The following WDFY4 variants were observed in gnomAD, a reference collection of about 807,000 sequenced individuals.
The protein encoded by WDFY4 is WDFY family member 4, also known as WD repeat- and FYVE domain-containing protein 4.
In WDFY4, 169 loss-of-function variants were observed where a neutral mutation model predicts 351.9. That is an observed-to-expected ratio of 0.48 (90% CI 0.42 to 0.55). WDFY4 has a LOEUF of 0.55. Among genes scored for constraint, WDFY4 ranks in the 20% least tolerant of loss-of-function variants. The pLI, the probability that WDFY4 is intolerant of heterozygous loss-of-function variation, is 0.00. For missense variants in WDFY4, 3,803 were observed against 3,935.6 expected, an observed-to-expected ratio of 0.97 and a Z score of 0.90; for synonymous variants, 1,622 against 1,574.6, an observed-to-expected ratio of 1.03 and a Z score of -0.71.
intron 39 of WDFY4, among the ~76,000 whole-genome samples, chr10:48,856,356 T>C (rs1289623212): frequency 6.6e-6 from 1 of 152,172 alleles, no homozygotes; most frequent in Non-Finnish European, 1.5e-5. Context: ...AGATACTACC[T>C]GTCAGATTGA....
intron 47 of WDFY4, among the ~76,000 whole-genome samples, chr10:48,904,905 A>G (rs1837538616): frequency 6.6e-6 from 1 of 152,140 alleles, no homozygotes; most frequent in African/African-American, 2.4e-5. Flanking sequence ...GTTATCCACA[A>G]GGGGGTGAGC....
At chr10:48,744,458 C>T (rs911863503) in intron 12 of WDFY4, among the ~76,000 whole-genome samples, 8 of 152,120 alleles carry the variant, frequency 5.3e-5, no homozygotes, top group South Asian at 4.1e-4. Flanking sequence ...TGCATTCCTG[C>T]GCAAACCAAC....
In WDFY4 at chr10:48,795,514, TATATATATACATATATATATACACAC is replaced by T. The variant is rs1161867369; in HGVS notation, c.4258-782_4258-757del. Among the ~76,000 whole-genome samples the T allele has an allele frequency of 1.3e-3, 136 of 101,446 alleles. 5 individuals are homozygous for T. Among genetic ancestry groups the T allele is most frequent in the African/African-American group, 6.1e-3 (131 of 21,466 alleles). The allele number at this position is 101,446 out of a possible 152,430, so 66.6% of individuals were successfully genotyped here. On this transcript the variant is annotated intron_variant, in intron 23 of 61. Coordinates refer to ENST00000325239, the MANE Select transcript of WDFY4 (RefSeq NM_001394531.1). The stretch of plus-strand genomic sequence containing the variant: ...CTGTATATATATATATATATATATA[TATATATATACATATATATATACACAC>T]ACATGAATAGTCTGGAAAGATATTG...
intron 13 of WDFY4, among the ~76,000 whole-genome samples, chr10:48,771,436 G>A (rs2065862283): frequency 6.6e-6 from 1 of 152,118 alleles, no homozygotes; most frequent in African/African-American, 2.4e-5. Flanking sequence ...CTGTAAAACG[G>A]GTATGATAAT....
intron 47 of WDFY4, among the ~76,000 whole-genome samples, chr10:48,915,783 T>C (rs1838469659): frequency 6.6e-6 from 1 of 152,148 alleles, no homozygotes; most frequent in African/African-American, 2.4e-5. Context: ...GTCTCCACAG[T>C]AAACCAATGA....
intron 39 of WDFY4, among the ~76,000 whole-genome samples, chr10:48,834,109 C>T (rs187749061): frequency 2.0e-5 from 3 of 152,300 alleles, no homozygotes; most frequent in Admixed American, 2.0e-4. Context: ...CTTATTCAGG[C>T]TGTATTCTCA....
chr10:48,844,816 C>G (rs2068722106), intron 39 of WDFY4, among the ~76,000 whole-genome samples: 1 of 152,192 alleles, frequency 6.6e-6, no homozygotes, highest in South Asian at 2.1e-4. Context: ...GTGAGTAAAA[C>G]AGATAAGGCT....
intron 35 of WDFY4, chr10:48,824,127 T>C: frequency 1.0e-6 from 1 of 985,460 alleles, no homozygotes; most frequent in Non-Finnish European, 1.2e-6. Flanking sequence ...CTTCTCCCTC[T>C]AAGTTTCTTT....
chr10:48,700,558 C>G (rs930581932), intron 1 of WDFY4, among the ~76,000 whole-genome samples: 1 of 152,240 alleles, frequency 6.6e-6, no homozygotes, highest in Admixed American at 6.5e-5. Flanking sequence ...CATCATGTGG[C>G]AAATGTTTAC....
chr10:48,859,796 T>G (rs569731157), intron 39 of WDFY4, among the ~76,000 whole-genome samples: 1 of 152,364 alleles, frequency 6.6e-6, no homozygotes, highest in Non-Finnish European at 1.5e-5. Context: ...TTTTTAAATT[T>G]TTAATAAAAC....
intron 13 of WDFY4, among the ~76,000 whole-genome samples, chr10:48,772,693 C>G (rs2065907112): frequency 6.8e-6 from 1 of 147,906 alleles, no homozygotes. Context: ...CTATCCCTCC[C>G]CCTTACCCCC....
intron 12 of WDFY4, among the ~76,000 whole-genome samples, chr10:48,744,177 C>T (rs1589505107): frequency 1.3e-5 from 2 of 152,202 alleles, no homozygotes; most frequent in Non-Finnish European, 2.9e-5. Context: ...ATCCCTACCC[C>T]AACCCACTTG....
intron 51 of WDFY4, among the ~76,000 whole-genome samples, chr10:48,952,571 A>G (rs768595713): frequency 1.3e-5 from 2 of 152,172 alleles, no homozygotes. Context: ...CAGTTTCTTC[A>G]TCCTTTAAAA....
chr10:48,840,928 A>G (rs2068583251), intron 39 of WDFY4, among the ~76,000 whole-genome samples: 1 of 152,218 alleles, frequency 6.6e-6, no homozygotes, highest in Non-Finnish European at 1.5e-5. Context: ...CTTTATCTTC[A>G]TAATAGAAGG....
intron 57 of WDFY4, among the ~76,000 whole-genome samples, chr10:48,970,575 G>A (rs1184275897): frequency 2.0e-5 from 3 of 152,222 alleles, no homozygotes; most frequent in Admixed American, 6.5e-5. Context: ...AGCGAGAGAT[G>A]CCGGGCCACA....
At chr10:48,966,320 A>T (rs1842079894) in intron 54 of WDFY4, among the ~76,000 whole-genome samples, 1 of 152,124 alleles carries the variant, frequency 6.6e-6, no homozygotes, top group South Asian at 2.1e-4. Flanking sequence ...ATGACCTTGA[A>T]AAAGTAGCTG....
chr10:48,725,819 C>T, intron 5 of WDFY4, 62 bp from the exon 6 acceptor site: 1 of 1,457,256 alleles, frequency 6.9e-7, no homozygotes, highest in Non-Finnish European at 9.2e-7. Context: ...GGGAACAAAT[C>T]CATCTGAGGA....
In WDFY4 at chr10:48,806,375, C is replaced by A. The variant is rs145100924; in HGVS notation, c.4738+280C>A. Among the ~76,000 whole-genome samples, 564 of 152,342 alleles carry A rather than the reference C, an allele frequency of 3.7e-3. 5 individuals are homozygous for A. Among genetic ancestry groups the A allele is most frequent in the Non-Finnish European group, 6.8e-3 (465 of 68,038 alleles). On this transcript the variant is annotated intron_variant, in intron 27 of 61. Transcript: ENST00000325239. ...CAGCATGTGGGATCCGGGATCCTGC[C>A]TCACTTCCTGGTTGAACCCCCACTA...
At chr10:48,957,926 CAG>C (rs549242684) in intron 52 of WDFY4, among the ~76,000 whole-genome samples, 218 of 152,334 alleles carry the variant, frequency 1.4e-3, no homozygotes, top group African/African-American at 5.0e-3. Context: ...AAGGCTGAGT[CAG>C]GGCAATTTGC....
Sources: allele counts gnomAD v4.1 joint callset (sites outside exome capture counted in the v4.1 genomes callset), GRCh38; gene constraint gnomAD v4.1.1; transcripts MANE v1.5; gene names NCBI Gene and HGNC (gene_info 2026-07-23, HGNC 2026-07-21).